The following RAB9B variants were observed in gnomAD, a reference collection of about 807,000 sequenced individuals.
RAB9B encodes ras-related protein Rab-9B.
In RAB9B, 1 loss-of-function variant was observed where a neutral mutation model predicts 8.9. The ratio of observed to expected loss-of-function variants is 0.11; its 90% CI spans 0.04 to 0.53. RAB9B has a LOEUF of 0.53. RAB9B is among the 20% of genes least tolerant of loss of function. RAB9B has a pLI of 0.93. For missense variants in RAB9B, 82 were observed against 152.9 expected (o/e 0.54, Z 2.45); for synonymous variants, 63 against 57.0 (o/e 1.10, Z -0.47).
At chrX:103,809,809 TC>T in the RAB9B span, among the ~76,000 whole-genome samples, 1 of 109,775 alleles carries the variant, frequency 9.1e-6, no homozygotes. Flanking sequence ...TTTTTTTTTT[TC>T]TCAGAGGCAG....
chrX:103,814,338 C>T, the RAB9B span, among the ~76,000 whole-genome samples: 1 of 111,915 alleles, frequency 8.9e-6, no homozygotes, highest in Non-Finnish European at 1.9e-5. Flanking sequence ...TGAATGACTA[C>T]TGGGTAAATA....
the RAB9B span, among the ~76,000 whole-genome samples, chrX:103,813,472 G>A: frequency 4.0e-5 from 4 of 98,881 alleles, no homozygotes; most frequent in Admixed American, 1.1e-4. Context: ...TTGTTTGTTC[G>A]TTTGTTTTTG....
In RAB9B at chrX:103,825,020, T is replaced by A. The variant is rs772369204; in HGVS notation, c.*159A>T. On this transcript the variant is annotated 3_prime_UTR_variant, in exon 3 of 3. Coordinates refer to ENST00000243298, the MANE Select transcript of RAB9B (RefSeq NM_016370.4). ...CATTTTTTTTAATTTTTAATTTTTTTAAATCAATCTACACTTCAATTTGAA... is the reference window on the plus strand; with the variant it reads ...CATTTTTTTTAATTTTTAATTTTTTAAAATCAATCTACACTTCAATTTGAA... The A allele has an allele frequency of 6.3e-5, 36 of 569,075 alleles. No homozygotes were observed. In the African/African-American group the frequency reaches 6.3e-4, roughly 10 times the overall value. The allele number at this position is 569,075 out of a possible 1,213,427, so 46.9% of individuals were successfully genotyped here. A position where few individuals can be genotyped will look rare whatever the true frequency, so the allele number is the denominator to read the frequency against.
chrX:103,811,342 G>T, the RAB9B span, among the ~76,000 whole-genome samples: 6 of 111,897 alleles, frequency 5.4e-5, no homozygotes, highest in African/African-American at 1.9e-4. Flanking sequence ...GAATATTGTG[G>T]TTAATTATCA....
chrX:103,777,918 C>T, the RAB9B span, among the ~76,000 whole-genome samples: 1 of 112,219 alleles, frequency 8.9e-6, no homozygotes, highest in Admixed American at 9.4e-5. Context: ...ACTCAGTTGC[C>T]CCATGTATTC....
the RAB9B span, among the ~76,000 whole-genome samples, chrX:103,816,658 G>C: frequency 7.9e-3 from 885 of 111,981 alleles, 11 homozygotes; most frequent in African/African-American, 0.027. Context: ...TACAGAATGG[G>C]AGAAAATTTT....
the RAB9B span, chrX:103,776,817 G>A: frequency 2.0e-6 from 1 of 493,163 alleles, no homozygotes; most frequent in Non-Finnish European, 3.5e-6. Flanking sequence ...CCTTTAAGGG[G>A]GTTGGCTGTC....
chrX:103,785,132 A>G, the RAB9B span, among the ~76,000 whole-genome samples: 1 of 110,396 alleles, frequency 9.1e-6, no homozygotes, highest in Admixed American at 9.6e-5. Context: ...CTGGAGTACA[A>G]TGGCGCAATC....
chrX:103,817,511 T>C (rs910272960), downstream of RAB9B, among the ~76,000 whole-genome samples: 1 of 110,042 alleles, frequency 9.1e-6, no homozygotes, highest in African/African-American at 3.3e-5. Context: ...CAAACCACCA[T>C]GGCACGTGTA....
chrX:103,785,162 G>A, the RAB9B span, among the ~76,000 whole-genome samples: 5 of 109,721 alleles, frequency 4.6e-5, no homozygotes, highest in Non-Finnish European at 7.6e-5. Context: ...GGCAACCTCC[G>A]CCTCCTCCTG....
chrX:103,793,489 C>T, the RAB9B span, among the ~76,000 whole-genome samples: 2 of 112,074 alleles, frequency 1.8e-5, no homozygotes, highest in Non-Finnish European at 3.8e-5. Context: ...ATTCTGCAAG[C>T]GAGTCTGGTT....
rs1286005399 is a variant in RAB9B, at chrX:103,823,561, G to T, written c.*1618C>A. On this transcript the variant is annotated 3_prime_UTR_variant, in exon 3 of 3. Transcript: ENST00000243298. ...TTCCTGGCCTAGGTCTCTTTTTGGGGTAATTTCTGTCTGTCACTATTTTTA... is the reference window on the plus strand; with the variant it reads ...TTCCTGGCCTAGGTCTCTTTTTGGGTTAATTTCTGTCTGTCACTATTTTTA... 1 of 111,366 alleles carries T rather than the reference G, an allele frequency of 9.0e-6. No homozygotes were observed. The highest frequency in any genetic ancestry group is 2.8e-4 in the East Asian group (1 of 3,578). 9.2% of individuals were successfully genotyped at this position (111,366 alleles called of 1,213,427 possible).
chrX:103,823,150 T>C lies in RAB9B; in HGVS notation c.*2029A>G, dbSNP rs2074669056. 1.8e-5 allele frequency: 2 copies of C among 111,560 alleles called. No individual in the cohort carries two copies. Among genetic ancestry groups the C allele is most frequent in the African/African-American group, 6.5e-5 (2 of 30,662 alleles). 9.2% of individuals were successfully genotyped at this position (111,560 alleles called of 1,213,427 possible). A position where few individuals can be genotyped will look rare whatever the true frequency, so the allele number is the denominator to read the frequency against. On this transcript the variant is annotated 3_prime_UTR_variant, in exon 3 of 3. Transcript: ENST00000243298. Reference sequence around the variant, plus strand: ...TAGAAAGAGAAGGCCCCAGGTCTCATGCACTTAAAAATAATTAGCATTTAA... The same window carrying C: ...TAGAAAGAGAAGGCCCCAGGTCTCACGCACTTAAAAATAATTAGCATTTAA...
At chrX:103,820,101 A>C (rs2074653854), downstream of RAB9B, among the ~76,000 whole-genome samples, 1 of 111,887 alleles carries the variant, frequency 8.9e-6, no homozygotes, top group Non-Finnish European at 1.9e-5. Flanking sequence ...TCAAGACCTC[A>C]CCAGACCCTG....
chrX:103,825,872 A>G (rs976352702), intron 2 of RAB9B, 46 bp from the exon 3 acceptor site: 16 of 934,620 alleles, frequency 1.7e-5, no homozygotes, highest in Non-Finnish European at 2.3e-5. Context: ...TAAACCTGAA[A>G]CTGAAATCAA....
the RAB9B span, among the ~76,000 whole-genome samples, chrX:103,813,745 CAA>C: frequency 2.3e-4 from 2 of 8,539 alleles, no homozygotes; most frequent in Non-Finnish European, 3.8e-4. Flanking sequence ...AAATGGAAAG[CAA>C]AAAAAAAAAA....
chrX:103,828,840 T>C (rs903375031), intron 1 of RAB9B, among the ~76,000 whole-genome samples: 3 of 111,837 alleles, frequency 2.7e-5, no homozygotes, highest in Non-Finnish European at 5.6e-5. Context: ...GGAAAAGCAA[T>C]GTGGTTCAGT....
the RAB9B span, among the ~76,000 whole-genome samples, chrX:103,812,730 G>T: frequency 1.8e-5 from 2 of 110,987 alleles, no homozygotes; most frequent in African/African-American, 6.6e-5. Flanking sequence ...AGAGCTGCTT[G>T]CTACTGTTTG....
At chrX:103,789,148 C>G in the RAB9B span, 3 of 484,089 alleles carry the variant, frequency 6.2e-6, no homozygotes, top group East Asian at 1.1e-4. Flanking sequence ...GTTAATGGGC[C>G]AGGTGCTATG....
Sources: allele counts gnomAD v4.1 joint callset (sites outside exome capture counted in the v4.1 genomes callset), GRCh38; gene constraint gnomAD v4.1.1; transcripts MANE v1.5; gene names NCBI Gene and HGNC (gene_info 2026-07-23, HGNC 2026-07-21).